SETBP1: variants seen among roughly 807,000 people sequenced by gnomAD.
SETBP1 encodes the protein SET-binding protein.
In SETBP1, 9 loss-of-function variants were observed where a neutral mutation model predicts 101.0. The ratio of observed to expected loss-of-function variants is 0.09; its 90% CI spans 0.05 to 0.16. SETBP1 has a LOEUF of 0.16. Among genes scored for constraint, SETBP1 ranks in the 10% least tolerant of loss-of-function variants. The pLI is 1.00. For missense variants in SETBP1, 1,858 were observed against 2,033.8 expected (o/e 0.91, Z 1.66); for synonymous variants, 818 against 788.5 (o/e 1.04, Z -0.63).
chr18:44,787,480 G>GA (rs1182614391), intron 2 of SETBP1, among the ~76,000 whole-genome samples: 1 of 152,002 alleles, frequency 6.6e-6, no homozygotes, highest in Admixed American at 6.5e-5. Flanking sequence ...ATGAATTACT[G>GA]AAAAAAATAC....
intron 3 of SETBP1, among the ~76,000 whole-genome samples, chr18:44,904,743 C>T (rs2070133567): frequency 6.6e-6 from 1 of 152,180 alleles, no homozygotes; most frequent in African/African-American, 2.4e-5. Flanking sequence ...CATGCAGTGA[C>T]TCAGGGACCC....
In SETBP1 at chr18:45,065,371, T is replaced by C. The variant is rs1328261872; in HGVS notation, c.*1673T>C. On this transcript the variant is annotated 3_prime_UTR_variant, in exon 6 of 6. Coordinates refer to ENST00000649279, the MANE Select transcript of SETBP1 (RefSeq NM_015559.3). ...TAGAAAGAGACACTGAGAGAGAGAA[T>C]TAAATTTTCTAATGGGAATTAGAAT... 1 of 152,198 alleles carries C rather than the reference T, an allele frequency of 6.6e-6. No homozygotes were observed. Among genetic ancestry groups the C allele is most frequent in the African/African-American group, 2.4e-5 (1 of 41,436 alleles). The allele number at this position is 152,198 out of a possible 1,614,324, so 9.4% of individuals were successfully genotyped here.
intron 1 of SETBP1, among the ~76,000 whole-genome samples, chr18:44,699,383 C>T (rs1009890991): frequency 3.9e-5 from 6 of 152,124 alleles, no homozygotes; most frequent in African/African-American, 1.4e-4. Flanking sequence ...TGGGGTGGTG[C>T]CTGACACTAG....
At chr18:44,864,563 G>A (rs994017784) in intron 2 of SETBP1, among the ~76,000 whole-genome samples, 5 of 152,182 alleles carry the variant, frequency 3.3e-5, no homozygotes, top group Admixed American at 6.5e-5. Context: ...GTTCCAGAGA[G>A]CAGCAAGACA....
At chr18:44,986,313 T>G (rs2072233069) in intron 4 of SETBP1, 1 of 152,156 alleles carries the variant, frequency 6.6e-6, no homozygotes, top group Admixed American at 6.5e-5. Context: ...CTAGCGCACT[T>G]ATTGTGAACG....
intron 3 of SETBP1, among the ~76,000 whole-genome samples, chr18:44,924,303 G>A (rs999564173): frequency 6.6e-6 from 1 of 152,174 alleles, no homozygotes; most frequent in Non-Finnish European, 1.5e-5. Flanking sequence ...TGAGTCAGAT[G>A]TCATCCACAG....
intron 2 of SETBP1, among the ~76,000 whole-genome samples, chr18:44,759,825 T>C (rs754751176): frequency 1.3e-5 from 2 of 152,252 alleles, no homozygotes; most frequent in Non-Finnish European, 2.9e-5. Flanking sequence ...TCTGGCTGCA[T>C]GTTGGAATCA....
chr18:44,701,448 A>C lies in SETBP1; in HGVS notation c.102A>C (p.Ala34=), dbSNP rs572249525. The C allele has an allele frequency of 2.4e-5, 38 of 1,611,722 alleles. No individual in the cohort carries two copies. The East Asian group carries it at 7.8e-4, about 33-fold the overall frequency. The change falls in exon 2 of 6, where the codon GCA becomes GCC. Residue 34 remains alanine (A), a synonymous_variant. Coordinates refer to ENST00000649279, the MANE Select transcript of SETBP1 (RefSeq NM_015559.3). ...AGCCCCCAGCTGCTCCTGGCTGTGC[A>C]GGAGAACCTTTGCTCTCCACTCCAG... ...SAKPPAAPGC[A]GEPLLSTPGP...
At chr18:44,839,269 C>T (rs1315384265) in intron 2 of SETBP1, among the ~76,000 whole-genome samples, 1 of 152,150 alleles carries the variant, frequency 6.6e-6, no homozygotes, top group Non-Finnish European at 1.5e-5. Context: ...GAAGAGCCAC[C>T]AGGGAAGTAG....
intron 2 of SETBP1, among the ~76,000 whole-genome samples, chr18:44,729,406 A>G (rs545615989): frequency 3.3e-5 from 5 of 152,348 alleles, no homozygotes; most frequent in African/African-American, 1.2e-4. Context: ...AGACAGCATC[A>G]GAAGGGAATT....
At position 44,701,808 on chromosome 18, in the gene SETBP1, A is replaced by G. The variant is rs566254634; in HGVS notation, c.462A>G (p.Glu154=). ...AGKNSKATKE[E]ERSHSKKKLL... The stretch of plus-strand genomic sequence containing the variant: ...AAAATAGCAAAGCCACGAAGGAGGA[A>G]GAAAGAAGCCACTCCAAAAAGAAGG... The change falls in exon 2 of 6, where the codon GAA becomes GAG. Residue 154 remains glutamate, a synonymous_variant. Coordinates refer to ENST00000649279, the MANE Select transcript of SETBP1 (RefSeq NM_015559.3). The G allele has an allele frequency of 6.2e-7, 1 of 1,613,586 alleles. No individual in the cohort carries two copies. The highest frequency in any genetic ancestry group is 1.3e-5 in the African/African-American group (1 of 75,050).
chr18:44,781,479 G>GTC (rs376701165), intron 2 of SETBP1, among the ~76,000 whole-genome samples: 20 of 147,030 alleles, frequency 1.4e-4, no homozygotes, highest in African/African-American at 2.3e-4. Flanking sequence ...CTCTGTCTCT[G>GTC]TCTCTCTCTC....
chr18:44,741,376 T>C (rs1460781177), intron 2 of SETBP1, among the ~76,000 whole-genome samples: 1 of 152,134 alleles, frequency 6.6e-6, no homozygotes, highest in Non-Finnish European at 1.5e-5. Context: ...GAGGAAAGGC[T>C]AACTATTTCC....
At chr18:45,054,762 C>A (rs1288352641) in intron 5 of SETBP1, among the ~76,000 whole-genome samples, 1 of 152,142 alleles carries the variant, frequency 6.6e-6, no homozygotes, top group East Asian at 1.9e-4. Context: ...TGGAATGAGT[C>A]GCCACTGTCA....
At chr18:44,977,213 T>C (rs943627558) in intron 4 of SETBP1, among the ~76,000 whole-genome samples, 1 of 152,196 alleles carries the variant, frequency 6.6e-6, no homozygotes, top group African/African-American at 2.4e-5. Flanking sequence ...CATGGAAATG[T>C]CTTTTGGGCA....
intron 2 of SETBP1, among the ~76,000 whole-genome samples, chr18:44,764,752 G>A (rs969096061): frequency 1.3e-5 from 2 of 152,172 alleles, no homozygotes; most frequent in Non-Finnish European, 2.9e-5. Context: ...GATTACAGGT[G>A]TGAGCCACCG....
At position 44,951,972 on chromosome 18, in the gene SETBP1, A is replaced by G. The variant is rs1223695347; in HGVS notation, c.2632A>G (p.Thr878Ala). The G allele has an allele frequency of 6.2e-7, 1 of 1,614,016 alleles. No homozygotes were observed. The highest frequency in any genetic ancestry group is 8.5e-7 in the Non-Finnish European group (1 of 1,180,018). The stretch of plus-strand genomic sequence containing the variant: ...CGGCATTGGGACAGACAACAACAGC[A>G]CTTCTGACCAAGCGGAGAAGAGCTC... ...DSGIGTDNNS[T>A]SDQAEKSSES... The change falls in exon 4 of 6, where the codon ACT (threonine) becomes GCT (alanine). Residue 878 changes from threonine (T) to alanine (A), a missense_variant. Around this residue, in one of 12 missense-constraint regions of SETBP1, gnomAD observed 12 missense variants for 45.3 expected, o/e 0.27. Transcript: ENST00000649279. The surrounding 1 kb of genome is among the most constrained non-coding windows in gnomAD (Gnocchi z 7.8).
chr18:44,897,313 A>C (rs994398324), intron 3 of SETBP1, among the ~76,000 whole-genome samples: 15 of 152,268 alleles, frequency 9.9e-5, no homozygotes, highest in Admixed American at 3.9e-4. Flanking sequence ...GAGAAAAAAC[A>C]ATCTGGACCT....
intron 2 of SETBP1, among the ~76,000 whole-genome samples, chr18:44,850,369 C>CTT (rs112802081): frequency 1.6e-5 from 2 of 126,142 alleles, no homozygotes; most frequent in African/African-American, 5.4e-5. Context: ...CTTTTCTTTC[C>CTT]TTTTTTTTTC....
Sources: gnomAD v4.1 joint callset for allele counts (sites outside exome capture counted in the v4.1 genomes callset) on GRCh38, gnomAD v4.1.1 for gene constraint, gnomAD v4.1.1 regional missense constraint, Gnocchi (gnomAD v3.1) non-coding constraint, MANE v1.5 for transcripts, NCBI Gene and HGNC (gene_info 2026-07-23, HGNC 2026-07-21) for gene names.